Variants in CAMTA1 observed in about 807,000 individuals in gnomAD.
CAMTA1 encodes the protein calmodulin binding transcription activator 1.
CAMTA1 carries 27 observed loss-of-function variants against 170.9 expected under a neutral mutation model. The observed-to-expected ratio is 0.16, with a 90% CI of 0.12 to 0.22. The LOEUF is 0.22. Among genes scored for constraint, CAMTA1 ranks in the 10% least tolerant of loss-of-function variants. The pLI, the probability that CAMTA1 is intolerant of heterozygous loss-of-function variation, is 1.00. For synonymous variants in CAMTA1, 833 were observed against 891.5 expected, an observed-to-expected ratio of 0.93 and a Z score of 1.17; for missense variants, 1,619 against 2,217.2, an observed-to-expected ratio of 0.73 and a Z score of 5.42.
At chr1:7,520,907 C>T (rs1395833524) in intron 6 of CAMTA1, among the ~76,000 whole-genome samples, 2 of 151,948 alleles carry the variant, frequency 1.3e-5, no homozygotes, top group African/African-American at 4.8e-5. Context: ...TCCAGACAGA[C>T]AGTCACACAA....
At chr1:6,926,500 T>C (rs559293475) in intron 3 of CAMTA1, among the ~76,000 whole-genome samples, 46 of 136,834 alleles carry the variant, frequency 3.4e-4, no homozygotes, top group African/African-American at 1.2e-3. Flanking sequence ...CTCTCTCTTT[T>C]CTTCCTTCCT....
chr1:7,610,537 A>G (rs1007671181), intron 6 of CAMTA1, among the ~76,000 whole-genome samples: 1 of 152,298 alleles, frequency 6.6e-6, no homozygotes, highest in East Asian at 1.9e-4. Flanking sequence ...TAATGCCACA[A>G]ATGTTCTAGC....
At chr1:7,491,098 T>A (rs2093696554) in intron 6 of CAMTA1, among the ~76,000 whole-genome samples, 1 of 152,194 alleles carries the variant, frequency 6.6e-6, no homozygotes, top group Admixed American at 6.5e-5. Flanking sequence ...AAAAGGAGGC[T>A]CTAGCATGGT....
At chr1:7,260,481 G>A (rs1449958131) in intron 5 of CAMTA1, among the ~76,000 whole-genome samples, 1 of 152,222 alleles carries the variant, frequency 6.6e-6, no homozygotes, top group Non-Finnish European at 1.5e-5. Context: ...ATTGAGAAAT[G>A]TCCTGTTTCT....
chr1:7,553,207 G>A (rs1350225932), intron 6 of CAMTA1, among the ~76,000 whole-genome samples: 1 of 152,088 alleles, frequency 6.6e-6, no homozygotes, highest in Non-Finnish European at 1.5e-5. Context: ...GCATGAATGA[G>A]TGAATAAGTG....
chr1:6,936,500 C>T (rs779500201), intron 3 of CAMTA1, among the ~76,000 whole-genome samples: 1 of 151,812 alleles, frequency 6.6e-6, no homozygotes, highest in Non-Finnish European at 1.5e-5. Context: ...ATGGAGCTAA[C>T]TCAGGGGTTG....
At chr1:7,347,724 A>AC (rs922427841) in intron 5 of CAMTA1, among the ~76,000 whole-genome samples, 153 of 150,074 alleles carry the variant, frequency 1.0e-3, no homozygotes, top group African/African-American at 3.4e-3. Flanking sequence ...GCAATCCAGG[A>AC]CCCCCCCGGC....
chr1:7,227,135 C>A (rs1055894225), intron 4 of CAMTA1, among the ~76,000 whole-genome samples: 2 of 151,858 alleles, frequency 1.3e-5, no homozygotes, highest in Non-Finnish European at 2.9e-5. Flanking sequence ...GCCCGGCCAA[C>A]TGAAGCCATT....
chr1:7,276,190 T>TC (rs1210860447), intron 5 of CAMTA1, among the ~76,000 whole-genome samples: 2 of 127,656 alleles, frequency 1.6e-5, no homozygotes, highest in African/African-American at 3.2e-5. Flanking sequence ...CCATTCATGA[T>TC]TAAAAAAAAA....
chr1:7,124,331 C>T (rs1644810612), intron 4 of CAMTA1, among the ~76,000 whole-genome samples: 1 of 152,220 alleles, frequency 6.6e-6, no homozygotes, highest in African/African-American at 2.4e-5. Context: ...CCTCCCTGCA[C>T]ACACACTGTC....
At chr1:7,187,076 G>A (rs991625939) in intron 4 of CAMTA1, among the ~76,000 whole-genome samples, 6 of 152,266 alleles carry the variant, frequency 3.9e-5, no homozygotes, top group African/African-American at 9.6e-5. Flanking sequence ...TATAGGATGG[G>A]CAGTGAAGCC....
At chr1:7,544,326 T>C (rs2094658465) in intron 6 of CAMTA1, among the ~76,000 whole-genome samples, 1 of 152,278 alleles carries the variant, frequency 6.6e-6, no homozygotes, top group Middle Eastern at 3.4e-3. Flanking sequence ...ATTCAAATTA[T>C]CTCCCGCCAG....
intron 4 of CAMTA1, among the ~76,000 whole-genome samples, chr1:7,209,694 C>T (rs189471780): frequency 2.2e-4 from 34 of 152,256 alleles, no homozygotes; most frequent in Admixed American, 2.2e-3. Flanking sequence ...TGTTGACACT[C>T]CAGGGAGGGT....
Position 7,663,749 on chromosome 1 carries a change from T to C in CAMTA1, c.1202T>C (p.Met401Thr). Residue 401 changes from methionine (M) to threonine (T), a missense_variant, in exon 9 of 23, where the codon ATG (methionine) becomes ACG (threonine). Met to Thr is a moderately conservative substitution (Grantham distance 81, BLOSUM62 -1). Coordinates refer to ENST00000303635, the MANE Select transcript of CAMTA1 (RefSeq NM_015215.4). ...GSLSQSATVF[M>T]SEVTNEAVYT... ...TTGTCCCAGAGCGCCACGGTGTTCA[T>C]GTCAGAGGTCACCAATGAGGCCGTG... The C allele has an allele frequency of 1.2e-6, 2 of 1,614,030 alleles. No homozygotes were observed. Among genetic ancestry groups the C allele is most frequent in the Non-Finnish European group, 1.7e-6 (2 of 1,179,970 alleles).
At chr1:7,429,750 G>A (rs891064454) in intron 5 of CAMTA1, among the ~76,000 whole-genome samples, 1 of 148,428 alleles carries the variant, frequency 6.7e-6, no homozygotes, top group African/African-American at 2.5e-5. Context: ...AAGAAAAGAG[G>A]TTTAATTGGC....
chr1:7,425,057 G>A (rs1250109327), intron 5 of CAMTA1, among the ~76,000 whole-genome samples: 1 of 152,070 alleles, frequency 6.6e-6, no homozygotes, highest in Non-Finnish European at 1.5e-5. Flanking sequence ...TTTACTTTTG[G>A]GAGAACTTGA....
rs369951696 is a variant in CAMTA1 at position 7,648,886 on chromosome 1, A to ACCCCGG, written c.664+8336_664+8341dup. 4.9e-3 allele frequency among the ~76,000 whole-genome samples: 750 copies of ACCCCGG among 152,228 alleles called. 4 individuals are homozygous for ACCCCGG. The highest frequency in any genetic ancestry group is 0.017 in the African/African-American group (702 of 41,526). On this transcript the variant is annotated intron_variant, in intron 7 of 22. Transcript: ENST00000303635. ...TCCCCAGGACCATACTTTTTAAGGA[A>ACCCCGG]CCCCGGCCTATAGCAGCCTCTGGCG...
intron 3 of CAMTA1, among the ~76,000 whole-genome samples, chr1:6,951,812 A>G (rs1688536667): frequency 6.6e-6 from 1 of 152,162 alleles, no homozygotes; most frequent in Non-Finnish European, 1.5e-5. Flanking sequence ...CCAGCCTGGG[A>G]AAGGCCTCTG....
chr1:7,071,497 A>G (rs1638642460), intron 3 of CAMTA1, among the ~76,000 whole-genome samples: 1 of 152,180 alleles, frequency 6.6e-6, no homozygotes, highest in Non-Finnish European at 1.5e-5. Context: ...TCAAATCGTG[A>G]TAAATCTATT....
Sources: gnomAD v4.1 joint callset for allele counts (sites outside exome capture counted in the v4.1 genomes callset) on GRCh38, gnomAD v4.1.1 for gene constraint, MANE v1.5 for transcripts, NCBI Gene and HGNC (gene_info 2026-07-23, HGNC 2026-07-21) for gene names.